Variants in TBC1D32 observed in about 807,000 individuals in gnomAD.
TBC1D32 encodes protein broad-minded.
TBC1D32 carries 151 observed loss-of-function variants against 170.3 expected under a neutral mutation model. That is an observed-to-expected ratio of 0.89 (90% confidence interval 0.78 to 1.01). The LOEUF is 1.01. TBC1D32 is among the 50% of genes least tolerant of loss of function. TBC1D32 has a pLI of 0.00. For synonymous variants in TBC1D32, 498 were observed against 488.0 expected, an observed-to-expected ratio of 1.02 and a Z score of -0.27; for missense variants, 1,464 against 1,457.1, an observed-to-expected ratio of 1.00 and a Z score of -0.08.
At chr6:121,211,154 C>T (rs112746019) in intron 21 of TBC1D32, among the ~76,000 whole-genome samples, 2,262 of 147,666 alleles carry the variant, frequency 0.015, 18 homozygotes, top group Middle Eastern at 0.038. Flanking sequence ...GTGGGCGGGG[C>T]GGAGGGAGGG....
intron 22 of TBC1D32, among the ~76,000 whole-genome samples, chr6:121,190,115 CA>C (rs1789773138): frequency 6.9e-6 from 1 of 145,462 alleles, no homozygotes; most frequent in Non-Finnish European, 1.5e-5. Context: ...CACACACACA[CA>C]CACACACACA....
chr6:121,096,384 C>T (rs1562464926), intron 30 of TBC1D32: 1 of 152,028 alleles, frequency 6.6e-6, no homozygotes, highest in Non-Finnish European at 1.5e-5. Flanking sequence ...AAATCACAAG[C>T]ATTCCTATAC....
chr6:121,088,544 G>A (rs1207380968), intron 31 of TBC1D32, among the ~76,000 whole-genome samples: 1 of 152,078 alleles, frequency 6.6e-6, no homozygotes, highest in Non-Finnish European at 1.5e-5. Flanking sequence ...AGTAGTTAAA[G>A]GGATATGTAA....
intron 1 of TBC1D32, among the ~76,000 whole-genome samples, chr6:121,333,415 C>G (rs548787705): frequency 2.0e-4 from 31 of 152,294 alleles, no homozygotes; most frequent in African/African-American, 7.2e-4. Flanking sequence ...CTCTGACCCC[C>G]CTTCTCTGTC....
chr6:121,193,160 A>C (rs1418453758), intron 22 of TBC1D32, among the ~76,000 whole-genome samples: 5 of 152,174 alleles, frequency 3.3e-5, no homozygotes, highest in Non-Finnish European at 7.3e-5. Context: ...GATCAGGCTG[A>C]ATTTATTGAT....
At chr6:121,188,101 T>G (rs569309668) in intron 22 of TBC1D32, among the ~76,000 whole-genome samples, 1 of 152,128 alleles carries the variant, frequency 6.6e-6, no homozygotes, top group Non-Finnish European at 1.5e-5. Context: ...TGTGTCCCAG[T>G]TGAATCATTT....
At position 121,133,592 on chromosome 6, in the gene TBC1D32, T is replaced by A. The variant is rs1374322349; in HGVS notation, c.2774-1840A>T. 3.3e-5 allele frequency among the ~76,000 whole-genome samples: 5 copies of A among 152,052 alleles called. No individual in the cohort carries two copies. The East Asian group carries it at 9.6e-4, about 29-fold the overall frequency. ...GCATGATCCTCATGATTATCATATA[T>A]AAAATCAGATTTATGTAAGTATTTC... On this transcript the variant is annotated intron_variant, in intron 24 of 31. Transcript: ENST00000398212.
intron 1 of TBC1D32, among the ~76,000 whole-genome samples, chr6:121,328,359 C>G (rs1383792650): frequency 2.6e-5 from 4 of 152,000 alleles, no homozygotes; most frequent in Non-Finnish European, 5.9e-5. Context: ...GATCTCGGCT[C>G]TCTGCAAGCT....
chr6:121,121,473 C>T (rs1158357414), intron 26 of TBC1D32, among the ~76,000 whole-genome samples: 3 of 152,032 alleles, frequency 2.0e-5, no homozygotes, highest in African/African-American at 7.2e-5. Flanking sequence ...GTAGTATATG[C>T]TAACTCTACT....
At chr6:121,240,192 GA>G (rs1272570733) in intron 19 of TBC1D32, among the ~76,000 whole-genome samples, 1 of 151,928 alleles carries the variant, frequency 6.6e-6, no homozygotes, top group Non-Finnish European at 1.5e-5. Context: ...CCCCTCTCAT[GA>G]AAAGTTTGAG....
At chr6:121,267,761 G>GT (rs1800742453) in intron 15 of TBC1D32, among the ~76,000 whole-genome samples, 1 of 152,156 alleles carries the variant, frequency 6.6e-6, no homozygotes, top group African/African-American at 2.4e-5. Context: ...TTTGAAGAGA[G>GT]TAGTGGTTCT....
rs186028427 is a variant in TBC1D32 at position 121,112,968 on chromosome 6, A to T, written c.3169+94T>A. 117 of 863,748 alleles carry T rather than the reference A, an allele frequency of 1.4e-4. No individual in the cohort carries two copies. The East Asian group carries it at 2.9e-3, about 22-fold the overall frequency. The allele number at this position is 863,748 out of a possible 1,614,324, so 53.5% of individuals were successfully genotyped here. A position where few individuals can be genotyped will look rare whatever the true frequency, so the allele number is the denominator to read the frequency against. On this transcript the variant is annotated intron_variant, in intron 28 of 31. Transcript: ENST00000398212. The stretch of plus-strand genomic sequence containing the variant: ...AATCACTAATATAGCTTAAAGTACT[A>T]CTTTACTATAAATGTGTCAAGGTAT...
Position 121,112,736 on chromosome 6 carries a change from A to G in TBC1D32, c.3170-77T>C. 4.2e-6 allele frequency: 5 copies of G among 1,202,906 alleles called. No individual in the cohort carries two copies. In the South Asian group the frequency reaches 5.6e-5, roughly 13 times the overall value. 74.5% of individuals were successfully genotyped at this position (1,202,906 alleles called of 1,614,324 possible). A position where few individuals can be genotyped will look rare whatever the true frequency, so the allele number is the denominator to read the frequency against. On this transcript the variant is annotated intron_variant, in intron 28 of 31. Coordinates refer to ENST00000398212, the MANE Select transcript of TBC1D32 (RefSeq NM_152730.6). ...AAAATTCTGTAAATAAAATAAAATGAATATATTAAATAAAAAGCAGACATT... is the reference window on the plus strand; with the variant it reads ...AAAATTCTGTAAATAAAATAAAATGGATATATTAAATAAAAAGCAGACATT...
chr6:121,161,604 A>C (rs536722308), intron 22 of TBC1D32, among the ~76,000 whole-genome samples: 1 of 152,114 alleles, frequency 6.6e-6, no homozygotes, highest in Admixed American at 6.5e-5. Flanking sequence ...ATTTGTGTTG[A>C]TTCCGTGTCT....
At chr6:121,160,825 T>G in intron 23 of TBC1D32, 123 bp downstream of exon 23, 1 of 724,672 alleles carries the variant, frequency 1.4e-6, no homozygotes, top group Non-Finnish European at 2.4e-6. Flanking sequence ...TATTCTCAAG[T>G]AATAAGTTCA....
intron 30 of TBC1D32, among the ~76,000 whole-genome samples, chr6:121,099,261 A>G (rs1777746647): frequency 6.6e-6 from 1 of 151,984 alleles, no homozygotes; most frequent in South Asian, 2.1e-4. Flanking sequence ...TTAAGCCAGG[A>G]AAATGAACAA....
chr6:121,221,440 A>G (rs1794506281), intron 21 of TBC1D32, among the ~76,000 whole-genome samples: 1 of 152,228 alleles, frequency 6.6e-6, no homozygotes, highest in Admixed American at 6.5e-5. Context: ...TAAGAAATAT[A>G]TTTTGTAAGG....
At chr6:121,269,080 C>T (rs1019864219) in intron 15 of TBC1D32, among the ~76,000 whole-genome samples, 8 of 152,106 alleles carry the variant, frequency 5.3e-5, no homozygotes, top group African/African-American at 1.9e-4. Context: ...TTTGTCACCA[C>T]CAGGCCTGCC....
At chr6:121,127,555 A>C (rs1331285300) in intron 25 of TBC1D32, among the ~76,000 whole-genome samples, 2 of 152,128 alleles carry the variant, frequency 1.3e-5, no homozygotes, top group East Asian at 1.9e-4. Flanking sequence ...TGTAGACACA[A>C]ATTTTGCCAT....
Sources: gnomAD v4.1 joint callset for allele counts (sites outside exome capture counted in the v4.1 genomes callset) on GRCh38, gnomAD v4.1.1 for gene constraint, MANE v1.5 for transcripts, NCBI Gene and HGNC (gene_info 2026-07-23, HGNC 2026-07-21) for gene names.